Variants in ADARB2 observed in about 807,000 individuals in gnomAD.
The protein encoded by ADARB2 is inactive double-stranded RNA-specific editase B2.
Under a neutral mutation model 62.2 loss-of-function variants are expected in ADARB2, and 25 were observed. The observed-to-expected ratio is 0.40, with a 90% confidence interval of 0.29 to 0.56. The LOEUF (loss-of-function observed/expected upper bound fraction) is 0.56. Ranked by LOEUF, ADARB2 falls within the 20% of genes least tolerant of loss-of-function variation. ADARB2 has a pLI of 0.43. For missense variants in ADARB2, 1,071 were observed against 1,077.4 expected, an observed-to-expected ratio of 0.99 and a Z score of 0.08; for synonymous variants, 572 against 500.8, an observed-to-expected ratio of 1.14 and a Z score of -1.90.
At chr10:1,437,921 C>G (rs1218788817) in intron 1 of ADARB2, among the ~76,000 whole-genome samples, 1 of 152,184 alleles carries the variant, frequency 6.6e-6, no homozygotes, top group Non-Finnish European at 1.5e-5. Flanking sequence ...TAATCTTCAA[C>G]GCGAGGCTCC....
intron 1 of ADARB2, among the ~76,000 whole-genome samples, chr10:1,613,283 A>G (rs1833593276): frequency 6.6e-6 from 1 of 152,254 alleles, no homozygotes; most frequent in African/African-American, 2.4e-5. Flanking sequence ...TTGTGTGGTC[A>G]GTTGAATGTC....
At chr10:1,193,772 T>A (rs1836872773) in intron 8 of ADARB2, among the ~76,000 whole-genome samples, 1 of 151,492 alleles carries the variant, frequency 6.6e-6, no homozygotes, top group Admixed American at 6.6e-5. Flanking sequence ...AGATGCCATT[T>A]CATTGTTTTT....
rs1036296998 is a variant in ADARB2, at chr10:1,276,334, G to A, written c.1078-5265C>T. Among the ~76,000 whole-genome samples, 76 of 152,136 alleles carry A rather than the reference G, an allele frequency of 5.0e-4. 1 individual carries two copies. Among genetic ancestry groups the A allele is most frequent in the Admixed American group, 1.4e-3 (21 of 15,270 alleles). Reference sequence around the variant, plus strand: ...TGAGAAGTGTCTGTTCATATCCTTCGCCCACTTTTTGATGGGGCTGTTTGT... The same window carrying A: ...TGAGAAGTGTCTGTTCATATCCTTCACCCACTTTTTGATGGGGCTGTTTGT... On this transcript the variant is annotated intron_variant, in intron 3 of 9. Transcript: ENST00000381312.
intron 5 of ADARB2, among the ~76,000 whole-genome samples, chr10:1,240,778 G>T (rs1293223015): frequency 2.0e-5 from 3 of 152,246 alleles, no homozygotes; most frequent in Admixed American, 6.5e-5. Flanking sequence ...TGGTCCAGTT[G>T]CCTTCTCTGA....
intron 3 of ADARB2, among the ~76,000 whole-genome samples, chr10:1,360,009 T>C (rs1243879128): frequency 6.6e-6 from 1 of 152,260 alleles, no homozygotes; most frequent in Admixed American, 6.5e-5. Flanking sequence ...GGAGCAAGCC[T>C]TTGGCGGAGA....
At chr10:1,538,308 C>G (rs1832360427) in intron 1 of ADARB2, among the ~76,000 whole-genome samples, 1 of 152,158 alleles carries the variant, frequency 6.6e-6, no homozygotes. Context: ...TGGTGGGTGT[C>G]CCACAGGGGT....
intron 1 of ADARB2, among the ~76,000 whole-genome samples, chr10:1,451,888 A>G (rs1831044800): frequency 6.6e-6 from 1 of 152,202 alleles, no homozygotes; most frequent in Non-Finnish European, 1.5e-5. Context: ...CACATGTGAG[A>G]CAGATGGGAA....
rs186021360 is a variant in ADARB2, at chr10:1,370,627, A to C, written c.188-6710T>G. ...AAGTTTCAGGATACAAAATCAATGT[A>C]TAAAAATTAGTAGCATTTCTATACA... On this transcript the variant is annotated intron_variant, in intron 2 of 9. Transcript: ENST00000381312. Among the ~76,000 whole-genome samples, 205 of 152,370 alleles carry C rather than the reference A, an allele frequency of 1.3e-3. 1 individual carries two copies. Among genetic ancestry groups the C allele is most frequent in the Middle Eastern group, 3.4e-3 (1 of 294 alleles).
chr10:1,184,925 C>A lies in ADARB2; in HGVS notation c.1979G>T (p.Cys660Phe), dbSNP rs1456754059. ...CTTGCAGAGCCGGGATGGGCCCCCA[C>A]AGCTCCTCCGCCCAGTGGTGGCGTT... ...IINATTGRRS[C>F]GGPSRLCKHV... is the part of the protein sequence containing the mutation. Residue 660 changes from cysteine (C) to phenylalanine (F), a missense_variant, in exon 9 of 10, where the codon TGT (cysteine) becomes TTT (phenylalanine). Physicochemically the swap from Cys to Phe is radical, Grantham distance 205. Transcript: ENST00000381312. The A allele has an allele frequency of 1.2e-6, 2 of 1,613,966 alleles. No individual in the cohort carries two copies. Among genetic ancestry groups the A allele is most frequent in the Non-Finnish European group, 1.7e-6 (2 of 1,180,036 alleles).
chr10:1,199,775 A>G (rs1427566442), intron 8 of ADARB2, 191 bp downstream of exon 8: 4 of 575,916 alleles, frequency 6.9e-6, no homozygotes, highest in Non-Finnish European at 1.2e-5. Context: ...GACCTGGCCT[A>G]TTGCTATATG....
At chr10:1,260,634 T>A (rs1450496617) in intron 4 of ADARB2, among the ~76,000 whole-genome samples, 1 of 151,844 alleles carries the variant, frequency 6.6e-6, no homozygotes, top group Non-Finnish European at 1.5e-5. Context: ...TACAAACCAC[T>A]GATCAAGGAA....
intron 1 of ADARB2, among the ~76,000 whole-genome samples, chr10:1,414,443 G>A (rs980055590): frequency 2.0e-5 from 3 of 152,158 alleles, no homozygotes; most frequent in South Asian, 2.1e-4. Context: ...TCCAGGGCTC[G>A]TGGCTCTGGA....
At chr10:1,682,043 T>A (rs1444965653) in intron 1 of ADARB2, among the ~76,000 whole-genome samples, 1 of 152,210 alleles carries the variant, frequency 6.6e-6, no homozygotes, top group Admixed American at 6.5e-5. Context: ...TTATGTGCCA[T>A]GCAGACCCTG....
chr10:1,448,318 T>A (rs1830995878), intron 1 of ADARB2, among the ~76,000 whole-genome samples: 1 of 152,216 alleles, frequency 6.6e-6, no homozygotes, highest in African/African-American at 2.4e-5. Flanking sequence ...CCCTTTGATA[T>A]TTAAATGTTA....
intron 1 of ADARB2, among the ~76,000 whole-genome samples, chr10:1,467,811 C>T (rs1006006224): frequency 2.0e-5 from 3 of 152,302 alleles, no homozygotes; most frequent in Middle Eastern, 3.4e-3. Context: ...GCTTTTGAGT[C>T]GAACACATTA....
At chr10:1,565,680 C>G (rs963532002) in intron 1 of ADARB2, among the ~76,000 whole-genome samples, 1 of 152,160 alleles carries the variant, frequency 6.6e-6, no homozygotes, top group Non-Finnish European at 1.5e-5. Flanking sequence ...GGGCAAGCAG[C>G]TTTTTCCTCC....
Position 1,350,004 on chromosome 10 carries a change from CCTT to C in ADARB2, c.1077+13021_1077+13023del, listed in dbSNP as rs1832120443. Among the ~76,000 whole-genome samples, 4 of 152,250 alleles carry C rather than the reference CCTT, an allele frequency of 2.6e-5. No individual in the cohort carries two copies. In the South Asian group the frequency reaches 8.3e-4, roughly 32 times the overall value. ...GGGCAACTTTCCACCCTCCATTCCT[CCTT>C]CTTCTCCCTTAGCCTATGTTCTCAG... On this transcript the variant is annotated intron_variant, in intron 3 of 9. Transcript: ENST00000381312.
At chr10:1,491,002 A>G (rs1278299229) in intron 1 of ADARB2, among the ~76,000 whole-genome samples, 1 of 152,238 alleles carries the variant, frequency 6.6e-6, no homozygotes, top group African/African-American at 2.4e-5. Context: ...ATGAAAAAGT[A>G]ACTGGCCAGA....
chr10:1,673,355 T>C lies in ADARB2; in HGVS notation c.100+63696A>G, dbSNP rs1834418524. 2.6e-5 allele frequency among the ~76,000 whole-genome samples: 4 copies of C among 152,012 alleles called. No homozygotes were observed. The South Asian group carries it at 8.3e-4, about 32-fold the overall frequency. ...GTGTGTGTGTGTGTATGTGTGTGTA[T>C]TTAGAGGCACTTTGTAAGTGGGCAA... On this transcript the variant is annotated intron_variant, in intron 1 of 9. Transcript: ENST00000381312.
Sources: gnomAD v4.1 joint callset for allele counts (sites outside exome capture counted in the v4.1 genomes callset) on GRCh38, gnomAD v4.1.1 for gene constraint, MANE v1.5 for transcripts, NCBI Gene and HGNC (gene_info 2026-07-23, HGNC 2026-07-21) for gene names.